ADGRV1: variants seen among roughly 807,000 people sequenced by gnomAD.
The protein encoded by ADGRV1 is adhesion G protein-coupled receptor V1.
Under a neutral mutation model 596.2 loss-of-function variants are expected in ADGRV1, and 359 were observed. That is an observed-to-expected ratio of 0.60 (90% confidence interval 0.55 to 0.66). ADGRV1 has a LOEUF of 0.66. Among genes scored for constraint, ADGRV1 ranks in the 30% least tolerant of loss-of-function variants. The pLI is 0.00. For missense variants in ADGRV1, 7,274 were observed against 7,575.6 expected (o/e 0.96, Z 1.48); for synonymous variants, 2,681 against 2,679.2 (o/e 1.00, Z -0.02).
At chr5:91,021,776 C>G (rs1209063126) in intron 85 of ADGRV1, among the ~76,000 whole-genome samples, 1 of 151,984 alleles carries the variant, frequency 6.6e-6, no homozygotes, top group Non-Finnish European at 1.5e-5. Flanking sequence ...GAGGAAATAC[C>G]TAGGAAGATA....
intron 50 of ADGRV1, among the ~76,000 whole-genome samples, chr5:90,744,103 C>T (rs933689236): frequency 4.6e-5 from 7 of 152,102 alleles, no homozygotes; most frequent in Admixed American, 1.3e-4. Context: ...ATCCTGCCAC[C>T]TCAGCTTCCC....
chr5:90,779,016 A>C lies in ADGRV1; in HGVS notation c.13001A>C (p.His4334Pro), dbSNP rs779013777. The C allele has an allele frequency of 6.2e-7, 1 of 1,613,436 alleles. No individual in the cohort carries two copies. The highest frequency in any genetic ancestry group is 8.5e-7 in the Non-Finnish European group (1 of 1,179,518). ...GCAGGGGAGATGAGGAAAAGTCTGC[A>C]TGTTGAAATCCTTGATGATGACTAT... ...FEAGEMRKSL[H>P]VEILDDDYPE... Residue 4334 changes from histidine to proline, a missense_variant, in exon 64 of 90, where the codon CAT becomes CCT. Coordinates refer to ENST00000405460, the MANE Select transcript of ADGRV1 (RefSeq NM_032119.4).
chr5:91,082,711 C>T (rs752449680), intron 86 of ADGRV1, among the ~76,000 whole-genome samples: 10 of 152,028 alleles, frequency 6.6e-5, no homozygotes, highest in Non-Finnish European at 8.8e-5. Context: ...AGTATGGCAA[C>T]GAAAGCACTG....
chr5:91,105,599 T>C (rs978554836), intron 87 of ADGRV1, among the ~76,000 whole-genome samples: 1 of 152,222 alleles, frequency 6.6e-6, no homozygotes, highest in African/African-American at 2.4e-5. Context: ...ATGCTGAGCA[T>C]TTGTTCATAT....
At chr5:90,969,182 C>T (rs952827692) in intron 84 of ADGRV1, among the ~76,000 whole-genome samples, 1 of 152,260 alleles carries the variant, frequency 6.6e-6, no homozygotes, top group African/African-American at 2.4e-5. Flanking sequence ...CCTCTCTTTA[C>T]AGACTGTGAA....
intron 83 of ADGRV1, among the ~76,000 whole-genome samples, chr5:90,936,247 T>C (rs1181506242): frequency 6.6e-6 from 1 of 152,170 alleles, no homozygotes; most frequent in Non-Finnish European, 1.5e-5. Flanking sequence ...TTCTGTTTTT[T>C]TATTTTCTGT....
chr5:90,875,593 G>C (rs1394708187), intron 83 of ADGRV1, among the ~76,000 whole-genome samples: 1 of 152,190 alleles, frequency 6.6e-6, no homozygotes, highest in Non-Finnish European at 1.5e-5. Flanking sequence ...AGGTGAGATG[G>C]AGGGGAAGAG....
intron 83 of ADGRV1, among the ~76,000 whole-genome samples, chr5:90,928,452 G>A (rs925610738): frequency 6.7e-6 from 1 of 150,092 alleles, no homozygotes; most frequent in Admixed American, 6.6e-5. Flanking sequence ...CATTCTTCAC[G>A]TAGTTCTCGA....
Position 90,706,286 on chromosome 5 carries a change from A to G in ADGRV1, c.8622A>G (p.Gln2874=). The G allele has an allele frequency of 6.2e-7, 1 of 1,613,594 alleles. No homozygotes were observed. The highest frequency in any genetic ancestry group is 1.1e-5 in the South Asian group (1 of 90,966). ...CTGGAATGCTGAGTCTGAAGAACCAAACAGTAGGAAACCTAGCAGAGCCAG... is the reference window on the plus strand; with the variant it reads ...CTGGAATGCTGAGTCTGAAGAACCAGACAGTAGGAAACCTAGCAGAGCCAG... ...TVPGMLSLKN[Q]TVGNLAEPEV... The change falls in exon 38 of 90, where the codon CAA becomes CAG. Residue 2874 remains glutamine (Q), a synonymous_variant. Coordinates refer to ENST00000405460, the MANE Select transcript of ADGRV1 (RefSeq NM_032119.4).
intron 52 of ADGRV1, among the ~76,000 whole-genome samples, chr5:90,749,842 T>C (rs1755045017): frequency 6.6e-6 from 1 of 152,008 alleles, no homozygotes; most frequent in Admixed American, 6.6e-5. Context: ...AGAAAGAGGC[T>C]AGGAAGCATA....
At chr5:90,674,369 C>G (rs560717367) in intron 23 of ADGRV1, 135 bp downstream of exon 23, 2 of 500,442 alleles carry the variant, frequency 4.0e-6, no homozygotes, top group African/African-American at 3.9e-5. Flanking sequence ...AACTCTTTAA[C>G]TTGTATGCTA....
chr5:90,643,731 A>C, intron 13 of ADGRV1, 72 bp from the exon 14 acceptor site: 7 of 1,154,198 alleles, frequency 6.1e-6, no homozygotes, highest in Admixed American at 2.4e-5. Context: ...AATATTCTTG[A>C]ATATTTATGT....
chr5:90,688,576 C>T (rs1292602198), intron 29 of ADGRV1, among the ~76,000 whole-genome samples: 2 of 152,056 alleles, frequency 1.3e-5, no homozygotes, highest in African/African-American at 2.4e-5. Context: ...AGGATGGTCT[C>T]GATCTCTTGA....
chr5:90,707,382 T>C (rs1748743074), intron 38 of ADGRV1, among the ~76,000 whole-genome samples: 1 of 152,088 alleles, frequency 6.6e-6, no homozygotes, highest in South Asian at 2.1e-4. Flanking sequence ...TGAGAAAATA[T>C]TTTTCAATTA....
At chr5:90,673,540 C>T (rs1380674802) in intron 22 of ADGRV1, among the ~76,000 whole-genome samples, 2 of 152,106 alleles carry the variant, frequency 1.3e-5, no homozygotes, top group African/African-American at 2.4e-5. Context: ...AAAGTTATTG[C>T]TCGCAGTTTT....
At chr5:91,163,645 A>G in intron 89 of ADGRV1, 137 bp from the exon 90 acceptor site, 1 of 501,152 alleles carries the variant, frequency 2.0e-6, no homozygotes, top group Admixed American at 3.3e-5. Flanking sequence ...GGTATTAATA[A>G]TATCTATTCT....
intron 52 of ADGRV1, among the ~76,000 whole-genome samples, chr5:90,748,866 C>G (rs771832476): frequency 5.7e-5 from 8 of 139,914 alleles, no homozygotes; most frequent in Non-Finnish European, 1.2e-4. Flanking sequence ...AGCTGGTATA[C>G]TGCTGTGCTC....
intron 85 of ADGRV1, among the ~76,000 whole-genome samples, chr5:91,070,550 G>T (rs1788296057): frequency 6.6e-6 from 1 of 152,124 alleles, no homozygotes; most frequent in Admixed American, 6.5e-5. Flanking sequence ...TCCCTTATAA[G>T]AATACTTCAG....
intron 59 of ADGRV1, among the ~76,000 whole-genome samples, chr5:90,768,336 A>G (rs1285641722): frequency 1.3e-5 from 2 of 152,174 alleles, no homozygotes; most frequent in Non-Finnish European, 2.9e-5. Context: ...GAATATATAC[A>G]AAGATCTATG....
Sources: allele counts gnomAD v4.1 joint callset (sites outside exome capture counted in the v4.1 genomes callset), GRCh38; gene constraint gnomAD v4.1.1; transcripts MANE v1.5; gene names NCBI Gene and HGNC (gene_info 2026-07-23, HGNC 2026-07-21).